ALKBH1: variants seen among roughly 807,000 people sequenced by gnomAD.
The protein encoded by ALKBH1 is nucleic acid dioxygenase ALKBH1.
In ALKBH1, 31 loss-of-function variants were observed where a neutral mutation model predicts 36.6. That is an observed-to-expected ratio of 0.85 (90% CI 0.64 to 1.14). The LOEUF (loss-of-function observed/expected upper bound fraction) is 1.14, where lower values mean the gene tolerates loss of function less well. Among genes scored for constraint, ALKBH1 ranks in the 50% most tolerant of loss-of-function variants. The probability of loss-of-function intolerance (pLI) is 0.00; values close to 1 mark genes in which losing one functional copy is unlikely to be tolerated. For missense variants in ALKBH1, 490 were observed against 497.3 expected, an observed-to-expected ratio of 0.99 and a Z score of 0.14; for synonymous variants, 183 against 186.6, an observed-to-expected ratio of 0.98 and a Z score of 0.16.
intron 3 of ALKBH1, among the ~76,000 whole-genome samples, chr14:77,685,016 G>T (rs775286238): frequency 6.6e-6 from 1 of 152,132 alleles, no homozygotes; most frequent in Non-Finnish European, 1.5e-5. Context: ...TAATATTCAA[G>T]AACAGAGAAT....
intron 1 of ALKBH1, 60 bp downstream of exon 1, chr14:77,707,762 A>G: frequency 1.3e-6 from 2 of 1,525,978 alleles, no homozygotes; most frequent in Non-Finnish European, 1.8e-6. Flanking sequence ...AAGACACGTA[A>G]GTCCCTCCAA....
At chr14:77,686,394 C>T (rs1464721868) in intron 3 of ALKBH1, among the ~76,000 whole-genome samples, 2 of 152,170 alleles carry the variant, frequency 1.3e-5, no homozygotes, top group African/African-American at 4.8e-5. Context: ...CCTAATACAT[C>T]TTTATCCAAT....
At chr14:77,691,136 T>C (rs1188398948) in intron 3 of ALKBH1, among the ~76,000 whole-genome samples, 2 of 152,282 alleles carry the variant, frequency 1.3e-5, no homozygotes, top group Admixed American at 1.3e-4. Context: ...CAACAATCTC[T>C]AGCTACGCCA....
intron 2 of ALKBH1, among the ~76,000 whole-genome samples, chr14:77,703,593 C>CATTT (rs2080371840): frequency 8.9e-6 from 1 of 112,898 alleles, no homozygotes; most frequent in South Asian, 2.8e-4. Flanking sequence ...CTGCGTCCAG[C>CATTT]TTTTTTTTTT....
chr14:77,675,996 T>C (rs1403736481), intron 4 of ALKBH1, 147 bp from the exon 5 acceptor site: 31 of 736,858 alleles, frequency 4.2e-5, no homozygotes, highest in Non-Finnish European at 5.7e-5. Flanking sequence ...TTCTTTTCTT[T>C]TCTTTTTTTT....
rs2080182859 is a variant in ALKBH1, at chr14:77,672,746, TGTAAA to T, written c.*1061_*1065del. 2.0e-5 allele frequency: 3 copies of T among 152,160 alleles called. No individual in the cohort carries two copies. Among genetic ancestry groups the T allele is most frequent in the Admixed American group, 6.5e-5 (1 of 15,268 alleles). 9.4% of individuals were successfully genotyped at this position (152,160 alleles called of 1,614,324 possible). A position where few individuals can be genotyped will look rare whatever the true frequency, so the allele number is the denominator to read the frequency against. On this transcript the variant is annotated 3_prime_UTR_variant, in exon 6 of 6. Transcript: ENST00000216489. ...ATGAGGAAACCGAGGTCCAGAGAAA[TGTAAA>T]GTAACCTGGACCATGATATAGTCAG... is the stretch of plus-strand genomic sequence containing the variant.
intron 3 of ALKBH1, among the ~76,000 whole-genome samples, chr14:77,681,479 G>T (rs544431823): frequency 2.6e-5 from 4 of 152,182 alleles, no homozygotes; most frequent in African/African-American, 9.7e-5. Flanking sequence ...GATGTTTGAC[G>T]AAGAGTTTAC....
At chr14:77,697,900 C>G (rs769298030) in intron 2 of ALKBH1, among the ~76,000 whole-genome samples, 10 of 151,852 alleles carry the variant, frequency 6.6e-5, no homozygotes, top group Non-Finnish European at 1.3e-4. Flanking sequence ...GTAGTCCCAG[C>G]TATTTGGGAG....
chr14:77,706,037 A>G (rs2080387780), intron 1 of ALKBH1, among the ~76,000 whole-genome samples: 1 of 152,094 alleles, frequency 6.6e-6, no homozygotes, highest in Non-Finnish European at 1.5e-5. Context: ...CCTGGGTGAC[A>G]CAGTGAGACG....
At chr14:77,704,528 A>AC in intron 1 of ALKBH1, 51 bp from the exon 2 acceptor site, 1 of 1,422,762 alleles carries the variant, frequency 7.0e-7, no homozygotes, top group Non-Finnish European at 9.9e-7. Context: ...TTGCAGGTCA[A>AC]CCCCGGGAAC....
At chr14:77,690,721 T>C (rs1237425744) in intron 3 of ALKBH1, among the ~76,000 whole-genome samples, 1 of 152,178 alleles carries the variant, frequency 6.6e-6, no homozygotes, top group African/African-American at 2.4e-5. Flanking sequence ...ATTTACCTGG[T>C]CGCCTGTTGA....
At chr14:77,679,140 T>G (rs2080222832) in intron 4 of ALKBH1, among the ~76,000 whole-genome samples, 1 of 152,066 alleles carries the variant, frequency 6.6e-6, no homozygotes. Context: ...TGAAAGTTCT[T>G]TTGTGAGTTG....
chr14:77,688,712 C>T (rs920030853), intron 3 of ALKBH1, among the ~76,000 whole-genome samples: 3 of 151,890 alleles, frequency 2.0e-5, no homozygotes, highest in South Asian at 4.1e-4. Context: ...GCTGGGATTA[C>T]AGGCGCCTGC....
intron 5 of ALKBH1, among the ~76,000 whole-genome samples, chr14:77,675,198 C>T (rs1195997723): frequency 2.0e-5 from 3 of 151,934 alleles, no homozygotes; most frequent in South Asian, 2.1e-4. Context: ...TTCGGGAGGC[C>T]GAAGTGGGCG....
At chr14:77,690,194 A>G (rs145871165) in intron 3 of ALKBH1, among the ~76,000 whole-genome samples, 1 of 152,208 alleles carries the variant, frequency 6.6e-6, no homozygotes, top group Non-Finnish European at 1.5e-5. Flanking sequence ...AATCTTGAGC[A>G]TGCCTAGTGT....
intron 3 of ALKBH1, among the ~76,000 whole-genome samples, chr14:77,686,357 T>G (rs1434083497): frequency 6.6e-6 from 1 of 152,218 alleles, no homozygotes; most frequent in Non-Finnish European, 1.5e-5. Context: ...AACTCTCACC[T>G]TGAAGAATGC....
chr14:77,689,856 AT>A (rs1204011558), intron 3 of ALKBH1, among the ~76,000 whole-genome samples: 1 of 152,116 alleles, frequency 6.6e-6, no homozygotes, highest in Non-Finnish European at 1.5e-5. Flanking sequence ...TAAAAAAAAA[AT>A]CAAGCAAAAA....
At chr14:77,682,326 T>A (rs1396248804) in intron 3 of ALKBH1, among the ~76,000 whole-genome samples, 1 of 152,230 alleles carries the variant, frequency 6.6e-6, no homozygotes, top group Non-Finnish European at 1.5e-5. Context: ...AGAGAACATG[T>A]TCTATTTTAG....
intron 5 of ALKBH1, among the ~76,000 whole-genome samples, chr14:77,675,225 G>C (rs944311483): frequency 1.3e-5 from 2 of 151,888 alleles, no homozygotes; most frequent in Non-Finnish European, 2.9e-5. Context: ...CTGAGCTCAG[G>C]AGTTCATGAC....
Sources: allele counts gnomAD v4.1 joint callset (sites outside exome capture counted in the v4.1 genomes callset), GRCh38; gene constraint gnomAD v4.1.1; transcripts MANE v1.5; gene names NCBI Gene and HGNC (gene_info 2026-07-23, HGNC 2026-07-21).